The following ACVR1B variants were observed in gnomAD, a reference collection of about 807,000 sequenced individuals.
ACVR1B encodes the protein activin receptor type-1B.
A neutral mutation model predicts 55.6 loss-of-function variants in ACVR1B; 15 were observed. That is an observed-to-expected ratio of 0.27 (90% CI 0.18 to 0.42). The LOEUF is 0.42. Among genes scored for constraint, ACVR1B ranks in the 10% least tolerant of loss-of-function variants. The pLI is 1.00. For synonymous variants in ACVR1B, 247 were observed against 254.6 expected, an observed-to-expected ratio of 0.97 and a Z score of 0.28; for missense variants, 359 against 670.1, an observed-to-expected ratio of 0.54 and a Z score of 5.13.
chr12:51,961,496 C>G (rs1391840614), intron 1 of ACVR1B, among the ~76,000 whole-genome samples: 16 of 152,134 alleles, frequency 1.1e-4, no homozygotes, highest in Admixed American at 1.0e-3. Context: ...TCTGTTTATC[C>G]TACCACCTAC....
intron 7 of ACVR1B, among the ~76,000 whole-genome samples, chr12:51,990,803 C>T (rs1180356410): frequency 6.6e-6 from 1 of 152,052 alleles, no homozygotes; most frequent in African/African-American, 2.4e-5. Flanking sequence ...TCGGAGAATC[C>T]AGGTCATTTG....
intron 4 of ACVR1B, 74 bp from the exon 5 acceptor site, chr12:51,983,925 A>G: frequency 6.6e-7 from 1 of 1,517,654 alleles, no homozygotes; most frequent in Admixed American, 1.7e-5. Context: ...TGTTGTATAC[A>G]CTCATCCTTA....
intron 7 of ACVR1B, chr12:51,987,442 A>G (rs1201738923): frequency 5.3e-6 from 2 of 377,276 alleles, no homozygotes; most frequent in African/African-American, 4.1e-5. Context: ...TGGCATTTGC[A>G]GCTGCTTATT....
chr12:51,982,814 CT>C, intron 4 of ACVR1B: 1 of 1,501,396 alleles, frequency 6.7e-7, no homozygotes, highest in Non-Finnish European at 8.8e-7. Flanking sequence ...ACTGAGTAAG[CT>C]ATTCCTTTTT....
chr12:51,974,007 G>T (rs1592251331), intron 1 of ACVR1B, among the ~76,000 whole-genome samples: 1 of 152,258 alleles, frequency 6.6e-6, no homozygotes, highest in South Asian at 2.1e-4. Flanking sequence ...AAGATAGACT[G>T]TGTACAGCCT....
chr12:51,964,375 T>C (rs1941598836), intron 1 of ACVR1B, among the ~76,000 whole-genome samples: 1 of 152,228 alleles, frequency 6.6e-6, no homozygotes, highest in Middle Eastern at 3.2e-3. Flanking sequence ...TTCTAGACCA[T>C]TTTCAGATGT....
At chr12:51,980,022 G>T (rs1032128091) in intron 3 of ACVR1B, among the ~76,000 whole-genome samples, 4 of 152,146 alleles carry the variant, frequency 2.6e-5, no homozygotes, top group South Asian at 2.1e-4. Flanking sequence ...ATAGATTATA[G>T]AGTCAGACAG....
At chr12:51,965,980 A>G (rs116253709) in intron 1 of ACVR1B, among the ~76,000 whole-genome samples, 1,905 of 152,196 alleles carry the variant, frequency 0.013, 33 homozygotes, top group African/African-American at 0.044. Context: ...TGTGTAGCTA[A>G]TGGTGTTGGG....
At chr12:51,973,394 T>C (rs894395983) in intron 1 of ACVR1B, among the ~76,000 whole-genome samples, 1 of 152,190 alleles carries the variant, frequency 6.6e-6, no homozygotes, top group African/African-American at 2.4e-5. Flanking sequence ...AGAACCCCTT[T>C]TAAAGTGCCT....
chr12:51,960,723 A>G (rs1941503929), intron 1 of ACVR1B, among the ~76,000 whole-genome samples: 1 of 152,198 alleles, frequency 6.6e-6, no homozygotes, highest in Admixed American at 6.5e-5. Context: ...ACTGTGCTAT[A>G]AACTGTGAGT....
At chr12:51,992,823 A>G (rs1446052750) in intron 8 of ACVR1B, among the ~76,000 whole-genome samples, 2 of 152,144 alleles carry the variant, frequency 1.3e-5, no homozygotes, top group Non-Finnish European at 2.9e-5. Flanking sequence ...GGTGTGGGGG[A>G]AACAACATTT....
intron 5 of ACVR1B, among the ~76,000 whole-genome samples, chr12:51,984,622 G>A (rs1057014203): frequency 6.6e-6 from 1 of 152,240 alleles, no homozygotes; most frequent in Non-Finnish European, 1.5e-5. Flanking sequence ...GGTTTTCCTG[G>A]AGGAAGAAGA....
intron 8 of ACVR1B, 91 bp from the exon 9 acceptor site, chr12:51,993,894 G>A (rs757535149): frequency 9.1e-6 from 14 of 1,546,732 alleles, no homozygotes; most frequent in Non-Finnish European, 1.0e-5. Context: ...TGCACTGAGC[G>A]GGAGGTGGCA....
chr12:51,992,078 C>T, intron 8 of ACVR1B, 85 bp downstream of exon 8: 1 of 1,563,746 alleles, frequency 6.4e-7, no homozygotes, highest in Non-Finnish European at 8.8e-7. Flanking sequence ...GGTCAGGCCC[C>T]AGAGGAGCCC....
chr12:51,993,842 T>C, intron 8 of ACVR1B, 143 bp from the exon 9 acceptor site: 1 of 743,034 alleles, frequency 1.3e-6, no homozygotes, highest in Non-Finnish European at 1.9e-6. Flanking sequence ...TGCAGAGCAT[T>C]TCCCTAAGGT....
In ACVR1B at chr12:51,952,233, G is replaced by C. The variant is rs373459717; in HGVS notation, c.91+399G>C. On this transcript the variant is annotated intron_variant, in intron 1 of 8. Coordinates refer to ENST00000257963, the MANE Select transcript of ACVR1B (RefSeq NM_004302.5). ...TTCTTCCCTCCCTCCAGGTGCTCCT[G>C]GGGGGCGTCTTTCTCCCGCCAAGAC... Among the ~76,000 whole-genome samples, 4 of 152,176 alleles carry C rather than the reference G, an allele frequency of 2.6e-5. No homozygotes were observed. In the East Asian group the frequency reaches 5.8e-4, roughly 22 times the overall value.
chr12:51,957,855 A>G (rs1941443970), intron 1 of ACVR1B, among the ~76,000 whole-genome samples: 1 of 152,228 alleles, frequency 6.6e-6, no homozygotes, highest in Admixed American at 6.5e-5. Flanking sequence ...TCTTGCACTT[A>G]GGAACTCTAG....
At chr12:51,993,771 A>G (rs1186816258) in intron 8 of ACVR1B, among the ~76,000 whole-genome samples, 3 of 25,112 alleles carry the variant, frequency 1.2e-4, no homozygotes, top group Admixed American at 2.2e-4. Flanking sequence ...CTTCTAAAAA[A>G]AAAAAAAAAA....
chr12:51,963,108 A>G (rs772222), intron 1 of ACVR1B, among the ~76,000 whole-genome samples: 55,233 of 152,108 alleles, frequency 0.36, 11,404 homozygotes, highest in African/African-American at 0.53. Context: ...TATGGTAGTA[A>G]TTTTAAATTG....
Sources: gnomAD v4.1 joint callset for allele counts (sites outside exome capture counted in the v4.1 genomes callset) on GRCh38, gnomAD v4.1.1 for gene constraint, MANE v1.5 for transcripts, NCBI Gene and HGNC (gene_info 2026-07-23, HGNC 2026-07-21) for gene names.